GALNS: variants seen among roughly 807,000 people sequenced by gnomAD.
The protein encoded by GALNS is N-acetylgalactosamine-6-sulfatase.
Under a neutral mutation model 65.9 loss-of-function variants are expected in GALNS, and 65 were observed. That is an observed-to-expected ratio of 0.99 (90% CI 0.81 to 1.21). The LOEUF (loss-of-function observed/expected upper bound fraction) is 1.21. Among genes scored for constraint, GALNS ranks in the 50% most tolerant of loss-of-function variants. GALNS has a pLI of 0.00. For synonymous variants in GALNS, 346 were observed against 288.9 expected, an observed-to-expected ratio of 1.20 and a Z score of -2.00; for missense variants, 776 against 700.7, an observed-to-expected ratio of 1.11 and a Z score of -1.21.
Position 88,819,587 on chromosome 16 carries a change from G to A in GALNS, c.1365-1463C>T, listed in dbSNP as rs369381461. Among the ~76,000 whole-genome samples the A allele has an allele frequency of 6.6e-5, 10 of 152,324 alleles. 1 individual carries two copies. The East Asian group carries it at 1.2e-3, about 18-fold the overall frequency. On this transcript the variant is annotated intron_variant, in intron 12 of 13. Transcript: ENST00000268695. ...GGATCTTGCTCTGTTACCCAGGCTG[G>A]AGTGGTGAGACAGCAGCTCACTGCA... is the stretch of plus-strand genomic sequence containing the variant.
At chr16:88,825,085 GGGGT>G (rs1597542080) in intron 10 of GALNS, among the ~76,000 whole-genome samples, 59 of 143,932 alleles carry the variant, frequency 4.1e-4, no homozygotes, top group South Asian at 9.2e-4. Context: ...GGCCAGGGCT[GGGGT>G]GACTGGGTAT....
At chr16:88,839,869 G>A (rs961273101) in intron 4 of GALNS, among the ~76,000 whole-genome samples, 6 of 152,226 alleles carry the variant, frequency 3.9e-5, no homozygotes, top group Non-Finnish European at 8.8e-5. Context: ...GAGGCCGCTG[G>A]GCCCAAGACA....
chr16:88,834,092 GTGGGTCTGACTCC>G (rs760207687), intron 8 of GALNS, among the ~76,000 whole-genome samples: 2 of 152,176 alleles, frequency 1.3e-5, no homozygotes, highest in African/African-American at 2.4e-5. Flanking sequence ...GCCTCGACTC[GTGGGTCTGACTCC>G]AGTGGGCGGG....
intron 11 of GALNS, among the ~76,000 whole-genome samples, chr16:88,824,256 G>T (rs1910563409): frequency 6.6e-6 from 1 of 152,124 alleles, no homozygotes; most frequent in Non-Finnish European, 1.5e-5. Context: ...GAGGCTTGAG[G>T]CGAGGGCTCG....
At position 88,841,075 on chromosome 16, in the gene GALNS, A is replaced by G. The variant is rs2143004657; in HGVS notation, c.339T>C (p.Ile113=). ...HARNAYTPQE[I]VGGIPDSEQL... is the part of the protein sequence containing the mutation. The stretch of plus-strand genomic sequence containing the variant: ...GCTCCGAGTCTGGGATGCCGCCCAC[A>G]ATCTCCTGCGGTGTGTAGGCTGGAA... The change falls in exon 4 of 14, where the codon ATT becomes ATC. Residue 113 remains isoleucine (I), a synonymous_variant. Coordinates refer to ENST00000268695, the MANE Select transcript of GALNS (RefSeq NM_000512.5). The G allele has an allele frequency of 1.2e-6, 2 of 1,613,042 alleles. No individual in the cohort carries two copies. The highest frequency in any genetic ancestry group is 1.3e-5 in the African/African-American group (1 of 75,038).
rs1967032197 is a variant in GALNS, at chr16:88,842,716, C to T, written c.234G>A (p.Leu78=). 2 of 1,612,748 alleles carry T rather than the reference C, an allele frequency of 1.2e-6. No homozygotes were observed. The highest frequency in any genetic ancestry group is 3.3e-5 in the Admixed American group (2 of 59,918). ...LFPNFYSANP[L]CSPSRAALLT... is the part of the protein sequence containing the mutation. ...GCCCCGCTGACTTACATGGCGAGCA[C>T]AGAGGGTTGGCAGAATAGAAGTTTG... Residue 78 remains leucine, a synonymous_variant, in exon 2 of 14, where the codon CTG becomes CTA. Transcript: ENST00000268695.
rs115109426 is a variant in GALNS, at chr16:88,822,953, C to T, written c.1243-243G>A. On this transcript the variant is annotated intron_variant, in intron 11 of 13. Coordinates refer to ENST00000268695, the MANE Select transcript of GALNS (RefSeq NM_000512.5). ...GAAGGACTAGCGGGCCCATAAGCAT[C>T]CTGTGGAGGAGGTGAAGCCACCCGC... 0.046 allele frequency among the ~76,000 whole-genome samples: 7,016 copies of T among 152,248 alleles called. 245 individuals are homozygous for T. The highest frequency in any genetic ancestry group is 0.16 in the South Asian group (793 of 4,830).
chr16:88,848,299 A>G (rs1967345799), intron 1 of GALNS, among the ~76,000 whole-genome samples: 1 of 143,546 alleles, frequency 7.0e-6, no homozygotes, highest in Non-Finnish European at 1.5e-5. Flanking sequence ...TGACCCGCAC[A>G]CTTTCACCAG....
intron 13 of GALNS, chr16:88,816,060 C>A: frequency 5.1e-6 from 5 of 985,452 alleles, no homozygotes; most frequent in Non-Finnish European, 6.0e-6. Context: ...TCCCCCATGG[C>A]TCTGCTCACG....
At chr16:88,832,326 G>A (rs1597560251) in intron 8 of GALNS, among the ~76,000 whole-genome samples, 1 of 152,194 alleles carries the variant, frequency 6.6e-6, no homozygotes, top group African/African-American at 2.4e-5. Context: ...TGCCCACTGA[G>A]GAAATGGAAA....
chr16:88,836,409 A>G, intron 5 of GALNS, 142 bp from the exon 6 acceptor site: 2 of 746,580 alleles, frequency 2.7e-6, no homozygotes, highest in East Asian at 2.7e-5. Context: ...TAATCCCAGC[A>G]TTTTGGGAGG....
chr16:88,841,662 C>T (rs879895804), intron 3 of GALNS, among the ~76,000 whole-genome samples: 4 of 152,296 alleles, frequency 2.6e-5, no homozygotes, highest in East Asian at 1.9e-4. Flanking sequence ...GTGGGGGTGC[C>T]GGCTCAGCTC....
intron 1 of GALNS, chr16:88,843,634 C>T (rs968830032): frequency 4.0e-5 from 7 of 176,324 alleles, no homozygotes; most frequent in Middle Eastern, 2.5e-3. Context: ...ACTGGAGTGA[C>T]GCAGCCACCA....
At chr16:88,815,818 C>A in intron 13 of GALNS, 4 of 985,332 alleles carry the variant, frequency 4.1e-6, no homozygotes, top group Non-Finnish European at 4.8e-6. Context: ...TCCCAAACTC[C>A]AGGGGCAGCA....
At chr16:88,843,293 G>A (rs923513807) in intron 1 of GALNS, 16 of 1,078,352 alleles carry the variant, frequency 1.5e-5, no homozygotes, top group East Asian at 5.9e-5. Context: ...CCCAGTTATC[G>A]TGTGACCCTG....
chr16:88,832,520 C>T lies in GALNS; in HGVS notation c.899-419G>A, dbSNP rs554359336. On this transcript the variant is annotated intron_variant, in intron 8 of 13. Coordinates refer to ENST00000268695, the MANE Select transcript of GALNS (RefSeq NM_000512.5). ...CCCATGGTTCTGACTCAGTCAGTCA[C>T]GGTGGGGCGTAGGAATCTGTGTTTC... Among the ~76,000 whole-genome samples the T allele has an allele frequency of 3.9e-5, 6 of 152,286 alleles. 1 individual carries two copies. The highest frequency in any genetic ancestry group is 1.4e-4 in the African/African-American group (6 of 41,554).
intron 1 of GALNS, among the ~76,000 whole-genome samples, chr16:88,846,141 T>A (rs1967232251): frequency 6.6e-6 from 1 of 152,246 alleles, no homozygotes; most frequent in African/African-American, 2.4e-5. Context: ...AAATCACAGT[T>A]CATCTGTGTT....
rs529156480 is a variant in GALNS at position 88,817,061 on chromosome 16, T to C, written c.1482+946A>G. On this transcript the variant is annotated intron_variant, in intron 13 of 13. Coordinates refer to ENST00000268695, the MANE Select transcript of GALNS (RefSeq NM_000512.5). ...TAGAGCGAGGGCCGCACGTGTCCCA[T>C]CTGAAGGAGCTGTGAAGACCTGCCC... 13 of 985,338 alleles carry C rather than the reference T, an allele frequency of 1.3e-5. No individual in the cohort carries two copies. In the African/African-American group the frequency reaches 1.7e-4, roughly 13 times the overall value. The allele number at this position is 985,338 out of a possible 1,614,324, so 61.0% of individuals were successfully genotyped here. A position where few individuals can be genotyped will look rare whatever the true frequency, so the allele number is the denominator to read the frequency against.
At chr16:88,855,657 A>G (rs1050406254) in intron 1 of GALNS, 1 of 600,168 alleles carries the variant, frequency 1.7e-6, no homozygotes, top group African/African-American at 1.9e-5. Flanking sequence ...CCATTAATTT[A>G]ATAAAATTGT....
Sources: allele counts gnomAD v4.1 joint callset (sites outside exome capture counted in the v4.1 genomes callset), GRCh38; gene constraint gnomAD v4.1.1; transcripts MANE v1.5; gene names NCBI Gene and HGNC (gene_info 2026-07-23, HGNC 2026-07-21).